The following JAKMIP2 variants were observed in gnomAD, a reference collection of about 807,000 sequenced individuals.
JAKMIP2 encodes janus kinase and microtubule interacting protein 2, also known as janus kinase and microtubule-interacting protein 2.
A neutral mutation model predicts 115.0 loss-of-function variants in JAKMIP2; 25 were observed. The observed-to-expected ratio is 0.22, with a 90% CI of 0.16 to 0.30. The LOEUF (loss-of-function observed/expected upper bound fraction) is 0.30. Among genes scored for constraint, JAKMIP2 ranks in the 10% least tolerant of loss-of-function variants. The probability of loss-of-function intolerance (pLI) is 1.00; values close to 1 mark genes in which losing one functional copy is unlikely to be tolerated. For synonymous variants in JAKMIP2, 334 were observed against 343.6 expected, an observed-to-expected ratio of 0.97 and a Z score of 0.31; for missense variants, 642 against 957.6, an observed-to-expected ratio of 0.67 and a Z score of 4.35.
At chr5:147,702,316 G>A (rs191859880) in intron 1 of JAKMIP2, among the ~76,000 whole-genome samples, 3 of 127,722 alleles carry the variant, frequency 2.3e-5, no homozygotes, top group Admixed American at 1.8e-4. Context: ...AGGGTGGAAG[G>A]GGGGGTGACG....
chr5:147,782,033 A>C (rs1249922278), intron 1 of JAKMIP2, among the ~76,000 whole-genome samples: 1 of 152,186 alleles, frequency 6.6e-6, no homozygotes, highest in Non-Finnish European at 1.5e-5. Flanking sequence ...CCACCTTATA[A>C]TGAGTCTGGT....
rs138425372 is a variant in JAKMIP2 at position 147,659,463 on chromosome 5, G to A, written c.627+1485C>T. Among the ~76,000 whole-genome samples, 3 of 152,238 alleles carry A rather than the reference G, an allele frequency of 2.0e-5. No individual in the cohort carries two copies. The East Asian group carries it at 5.8e-4, about 29-fold the overall frequency. Reference sequence around the variant, plus strand: ...TGGTCTCGCTGGGAGCTGCAGACCTGAGCTGTTTCCATTCGGCCATCTTGG... The same window carrying A: ...TGGTCTCGCTGGGAGCTGCAGACCTAAGCTGTTTCCATTCGGCCATCTTGG... On this transcript the variant is annotated intron_variant, in intron 3 of 21. Coordinates refer to ENST00000616793, the MANE Select transcript of JAKMIP2 (RefSeq NM_001270941.2).
At position 147,636,845 on chromosome 5, in the gene JAKMIP2, G is replaced by A. The variant is rs943284471; in HGVS notation, c.1614+120C>T. On this transcript the variant is annotated intron_variant, in intron 11 of 21. Coordinates refer to ENST00000616793, the MANE Select transcript of JAKMIP2 (RefSeq NM_001270941.2). ...AGAGTTGAACATTCTAACGCAGTTCGAGAAAGATCACTGTGGAGAGCCAAG... is the reference window on the plus strand; with the variant it reads ...AGAGTTGAACATTCTAACGCAGTTCAAGAAAGATCACTGTGGAGAGCCAAG... The A allele has an allele frequency of 1.1e-5, 9 of 784,412 alleles. No individual in the cohort carries two copies. In the East Asian group the frequency reaches 1.2e-4, roughly 11 times the overall value. The allele number at this position is 784,412 out of a possible 1,614,324, so 48.6% of individuals were successfully genotyped here.
At chr5:147,628,663 C>G (rs1757220672) in intron 16 of JAKMIP2, 88 bp downstream of exon 16, 2 of 917,662 alleles carry the variant, frequency 2.2e-6, no homozygotes, top group Admixed American at 3.9e-5. Flanking sequence ...CAGTCATGTG[C>G]AGAGGGAATG....
intron 19 of JAKMIP2, among the ~76,000 whole-genome samples, chr5:147,616,506 C>G (rs960131527): frequency 1.3e-5 from 2 of 152,172 alleles, no homozygotes; most frequent in Non-Finnish European, 2.9e-5. Context: ...ATTTAGATAA[C>G]TATGAGTCCA....
intron 20 of JAKMIP2, among the ~76,000 whole-genome samples, chr5:147,605,417 A>G (rs7446754): frequency 0.95 from 144,515 of 151,908 alleles, 69,140 homozygotes; most frequent in East Asian, 1. Flanking sequence ...CACCGTGTTA[A>G]CTAGGATGGT....
intron 1 of JAKMIP2, among the ~76,000 whole-genome samples, chr5:147,743,977 CCCTT>C (rs1338655163): frequency 2.8e-5 from 4 of 145,226 alleles, no homozygotes; most frequent in East Asian, 4.2e-4. Flanking sequence ...CCTTCTCCCT[CCCTT>C]CCTTCCTTCC....
intron 2 of JAKMIP2, among the ~76,000 whole-genome samples, chr5:147,667,080 G>A (rs759710000): frequency 5.3e-5 from 8 of 152,098 alleles, no homozygotes; most frequent in Non-Finnish European, 1.0e-4. Flanking sequence ...ATAAAGCTGA[G>A]TTTCTTCAGT....
intron 2 of JAKMIP2, 74 bp downstream of exon 2, chr5:147,671,604 A>C: frequency 1.6e-6 from 2 of 1,258,866 alleles, no homozygotes; most frequent in Non-Finnish European, 2.1e-6. Context: ...GCCAGCAGGC[A>C]GAGCTGTGCT....
intron 3 of JAKMIP2, among the ~76,000 whole-genome samples, chr5:147,659,230 C>T (rs905090395): frequency 2.0e-5 from 3 of 152,120 alleles, no homozygotes; most frequent in Non-Finnish European, 4.4e-5. Flanking sequence ...ATGGGAAAAG[C>T]GTAGTACCTT....
chr5:147,750,807 A>G (rs1342259850), intron 1 of JAKMIP2, among the ~76,000 whole-genome samples: 1 of 152,296 alleles, frequency 6.6e-6, no homozygotes, highest in Non-Finnish European at 1.5e-5. Context: ...AAGAAACACC[A>G]GAGATCTCTC....
intron 3 of JAKMIP2, among the ~76,000 whole-genome samples, chr5:147,651,532 C>A (rs954782316): frequency 6.6e-6 from 1 of 152,074 alleles, no homozygotes; most frequent in African/African-American, 2.4e-5. Context: ...TTAATACAAA[C>A]AACATTACGC....
chr5:147,731,823 G>T (rs1473263224), intron 1 of JAKMIP2, among the ~76,000 whole-genome samples: 1 of 152,198 alleles, frequency 6.6e-6, no homozygotes, highest in Non-Finnish European at 1.5e-5. Context: ...CTGGGGCTGA[G>T]GATGATTAGC....
chr5:147,645,102 CTT>C, intron 5 of JAKMIP2, 106 bp from the exon 6 acceptor site: 1 of 995,204 alleles, frequency 1.0e-6, no homozygotes, highest in Non-Finnish European at 1.5e-6. Context: ...CTTGTCTCTG[CTT>C]CACTATGTGG....
At position 147,585,765 on chromosome 5, in the gene JAKMIP2, C is replaced by G. The variant is rs1248069438; in HGVS notation, c.*5942G>C. On this transcript the variant is annotated 3_prime_UTR_variant, in exon 22 of 22. Coordinates refer to ENST00000616793, the MANE Select transcript of JAKMIP2 (RefSeq NM_001270941.2). ...AATGAAAGCTCTGTGAAATTGGACCCTTGGCTACATTAACACAGTAAACAC... is the reference window on the plus strand; with the variant it reads ...AATGAAAGCTCTGTGAAATTGGACCGTTGGCTACATTAACACAGTAAACAC... 6.6e-6 allele frequency: 1 copy of G among 152,120 alleles called. No homozygotes were observed. The highest frequency in any genetic ancestry group is 1.5e-5 in the Non-Finnish European group (1 of 68,026). 9.4% of individuals were successfully genotyped at this position (152,120 alleles called of 1,614,324 possible).
intron 1 of JAKMIP2, among the ~76,000 whole-genome samples, chr5:147,690,058 G>A (rs1760756413): frequency 6.6e-6 from 1 of 152,096 alleles, no homozygotes; most frequent in Admixed American, 6.6e-5. Flanking sequence ...ATGTAAAGGG[G>A]AACAGCTTGG....
At chr5:147,602,203 T>C (rs560001056) in intron 20 of JAKMIP2, among the ~76,000 whole-genome samples, 1 of 152,154 alleles carries the variant, frequency 6.6e-6, no homozygotes, top group Non-Finnish European at 1.5e-5. Context: ...CACAAGAGGG[T>C]ATTTCAAAAA....
At chr5:147,676,398 C>G (rs1334560416) in intron 1 of JAKMIP2, among the ~76,000 whole-genome samples, 1 of 152,174 alleles carries the variant, frequency 6.6e-6, no homozygotes, top group African/African-American at 2.4e-5. Context: ...TGGAATGTTT[C>G]CGGACACTCC....
At chr5:147,764,958 G>GAAA (rs1755087056) in intron 1 of JAKMIP2, among the ~76,000 whole-genome samples, 1 of 74,480 alleles carries the variant, frequency 1.3e-5, no homozygotes, top group Non-Finnish European at 2.4e-5. Context: ...GAGAGAGAGA[G>GAAA]AGAGAGAGGG....
Sources: gnomAD v4.1 joint callset for allele counts (sites outside exome capture counted in the v4.1 genomes callset) on GRCh38, gnomAD v4.1.1 for gene constraint, MANE v1.5 for transcripts, NCBI Gene and HGNC (gene_info 2026-07-23, HGNC 2026-07-21) for gene names.